The following MEFV variants were observed in gnomAD, a reference collection of about 807,000 sequenced individuals.
MEFV encodes pyrin.
Under a neutral mutation model 62.5 loss-of-function variants are expected in MEFV, and 60 were observed. That is an observed-to-expected ratio of 0.96 (90% CI 0.78 to 1.19). The LOEUF (loss-of-function observed/expected upper bound fraction) is 1.19, where lower values mean the gene tolerates loss of function less well. Ranked by LOEUF, MEFV falls within the 50% of genes most tolerant of loss-of-function variation. MEFV has a pLI of 0.00. For synonymous variants in MEFV, 500 were observed against 415.2 expected, an observed-to-expected ratio of 1.20 and a Z score of -2.48; for missense variants, 1,169 against 1,004.5, an observed-to-expected ratio of 1.16 and a Z score of -2.21.
At position 3,256,619 on chromosome 16, in the gene MEFV, T is replaced by C; in HGVS notation, c.-32A>G. ...GAGCAGGAGAGGCTCGAGCCAGCTG[T>C]CTGGCTTCTGGTAGGAAAAGAAGCC... On this transcript the variant is annotated 5_prime_UTR_variant, in exon 1 of 10. Transcript: ENST00000219596. 1 of 1,613,852 alleles carries C rather than the reference T, an allele frequency of 6.2e-7. No homozygotes were observed. Among genetic ancestry groups the C allele is most frequent in the African/African-American group, 1.3e-5 (1 of 75,040 alleles).
In MEFV at chr16:3,249,505, G is replaced by A. The variant is rs1194114091; in HGVS notation, c.1186C>T (p.Leu396Phe). 2 of 1,614,206 alleles carry A rather than the reference G, an allele frequency of 1.2e-6. No homozygotes were observed. Among genetic ancestry groups the A allele is most frequent in the East Asian group, 2.2e-5 (1 of 44,888 alleles). ...TGCTCCTGACTCAGACTGCAGATGA[G>A]GCAGATGGGCTCATCGTGATCCTCA... ...FCEDHDEPIC[L>F]ICSLSQEHQG... The change falls in exon 3 of 10, where the codon CTC becomes TTC. Residue 396 changes from leucine (L) to phenylalanine (F), a missense_variant. Coordinates refer to ENST00000219596, the MANE Select transcript of MEFV (RefSeq NM_000243.3).
chr16:3,255,209 C>G (rs1034105863), intron 1 of MEFV, among the ~76,000 whole-genome samples: 3 of 151,930 alleles, frequency 2.0e-5, no homozygotes, highest in Admixed American at 6.6e-5. Context: ...CCCAGCTACT[C>G]GGGAGGCTGA....
intron 6 of MEFV, among the ~76,000 whole-genome samples, chr16:3,245,442 G>C (rs918707040): frequency 4.6e-5 from 7 of 152,262 alleles, no homozygotes; most frequent in Non-Finnish European, 8.8e-5. Flanking sequence ...AGGAGTTTGA[G>C]ACCAGCCTGG....
intron 8 of MEFV, 175 bp downstream of exon 8, chr16:3,244,079 A>G (rs768707349): frequency 5.2e-6 from 8 of 1,551,416 alleles, no homozygotes; most frequent in Non-Finnish European, 6.1e-6. Context: ...TAATGAGTCA[A>G]CTCAGTCAAT....
In MEFV at chr16:3,243,891, A is replaced by G. The variant is rs1433601189; in HGVS notation, c.1761T>C (p.Val587=). 6 of 1,613,828 alleles carry G rather than the reference A, an allele frequency of 3.7e-6. No individual in the cohort carries two copies. The East Asian group carries it at 1.1e-4, about 30-fold the overall frequency. The change falls in exon 9 of 10, where the codon GTT becomes GTC. Residue 587 remains valine, a splice_region_variant and synonymous_variant. Coordinates refer to ENST00000219596, the MANE Select transcript of MEFV (RefSeq NM_000243.3). The part of the protein sequence containing the change: ...TLRSEMEMFN[V]PELIGAQAHA... The stretch of plus-strand genomic sequence containing the variant: ...GTGCCTGAGCGCCAATCAGCTCCGG[A>G]ACTACGGAGAAAAATCAGATAGGGA...
rs761246209 is a variant in MEFV at position 3,242,984 on chromosome 16, C to T, written c.*157G>A. On this transcript the variant is annotated 3_prime_UTR_variant, in exon 10 of 10. Coordinates refer to ENST00000219596, the MANE Select transcript of MEFV (RefSeq NM_000243.3). ...GACTAACATGTTCGTTCCTAACTTA[C>T]CTCTGCTATAATCGGGTAGGCTCCG... 18 of 774,652 alleles carry T rather than the reference C, an allele frequency of 2.3e-5. No homozygotes were observed. The South Asian group carries it at 2.7e-4, about 12-fold the overall frequency. 48.0% of individuals were successfully genotyped at this position (774,652 alleles called of 1,614,324 possible). A position where few individuals can be genotyped will look rare whatever the true frequency, so the allele number is the denominator to read the frequency against.
Position 3,244,249 on chromosome 16 carries a change from C to T in MEFV, c.1759+5G>A. The T allele has an allele frequency of 2.5e-6, 4 of 1,614,044 alleles. No individual in the cohort carries two copies. Among genetic ancestry groups the T allele is most frequent in the Non-Finnish European group, 3.4e-6 (4 of 1,180,016 alleles). ...GCCAGCACACACCATTACCGCTGGA[C>T]TCACCATTGAACATTTCCATTTCTG... On this transcript the variant is annotated splice_donor_5th_base_variant and intron_variant, in intron 8 of 9. Transcript: ENST00000219596.
chr16:3,254,580 T>TCTCTG lies in MEFV; in HGVS notation c.483_487dup (p.Glu163AlafsTer34). The TCTCTG allele has an allele frequency of 6.3e-7, 1 of 1,587,458 alleles. No individual in the cohort carries two copies. The highest frequency in any genetic ancestry group is 1.1e-5 in the South Asian group (1 of 89,480). The stretch of plus-strand genomic sequence containing the variant: ...CGCGTCCAGGCCCTCCGAGGCCTTC[T>TCTCTG]CTCTGCGTTTGCTCAGGGGCTTCCT... On this transcript the variant is annotated frameshift_variant, in exon 2 of 10. Coordinates refer to ENST00000219596, the MANE Select transcript of MEFV (RefSeq NM_000243.3). LOFTEE classifies it high-confidence loss of function.
chr16:3,243,749 G>A (rs1232855221), intron 9 of MEFV, 55 bp from the exon 10 acceptor site: 7 of 1,609,764 alleles, frequency 4.3e-6, no homozygotes, highest in Non-Finnish European at 6.0e-6. Context: ...ATCCCTACAG[G>A]GTTCTCCCCA....
At chr16:3,246,337 C>T (rs186953599) in intron 6 of MEFV, 188 bp downstream of exon 6, 420 of 647,598 alleles carry the variant, frequency 6.5e-4, no homozygotes, top group African/African-American at 6.4e-3. Context: ...GGCCAGCCTC[C>T]CTGCTGACCA....
At position 3,243,967 on chromosome 16, in the gene MEFV, C is replaced by T. The variant is rs1354130521; in HGVS notation, c.1760-75G>A. The T allele has an allele frequency of 1.9e-6, 3 of 1,595,260 alleles. No homozygotes were observed. The African/African-American group carries it at 4.0e-5, about 21-fold the overall frequency. On this transcript the variant is annotated intron_variant, in intron 8 of 9. Coordinates refer to ENST00000219596, the MANE Select transcript of MEFV (RefSeq NM_000243.3). ...GAGGGGCTAAATTACACTGTCCTGA[C>T]AACAAGGAAAGACAAGGAACCCCCT...
chr16:3,251,591 T>C (rs920113485), intron 2 of MEFV, among the ~76,000 whole-genome samples: 11 of 152,244 alleles, frequency 7.2e-5, no homozygotes, highest in Admixed American at 2.0e-4. Context: ...AACATAATTT[T>C]AATGACTACC....
In MEFV at chr16:3,242,990, C is replaced by A; in HGVS notation, c.*151G>T. The A allele has an allele frequency of 2.4e-6, 2 of 825,116 alleles. No individual in the cohort carries two copies. The highest frequency in any genetic ancestry group is 2.0e-6 in the Non-Finnish European group (1 of 508,210). The allele number at this position is 825,116 out of a possible 1,614,324, so 51.1% of individuals were successfully genotyped here. The stretch of plus-strand genomic sequence containing the variant: ...CATGTTCGTTCCTAACTTACCTCTG[C>A]TATAATCGGGTAGGCTCCGTGGGCA... On this transcript the variant is annotated 3_prime_UTR_variant, in exon 10 of 10. Coordinates refer to ENST00000219596, the MANE Select transcript of MEFV (RefSeq NM_000243.3).
intron 2 of MEFV, among the ~76,000 whole-genome samples, chr16:3,251,654 G>A (rs1219134030): frequency 6.6e-6 from 1 of 152,240 alleles, no homozygotes; most frequent in African/African-American, 2.4e-5. Flanking sequence ...TCTGCTGAGA[G>A]AAAGGCAAAT....
chr16:3,253,473 G>A (rs534352434), intron 2 of MEFV, among the ~76,000 whole-genome samples: 1 of 152,196 alleles, frequency 6.6e-6, no homozygotes, highest in South Asian at 2.1e-4. Flanking sequence ...GATAACACCT[G>A]ATTGCCTTTT....
At chr16:3,248,438 A>G (rs1419351545) in intron 4 of MEFV, 1 of 201,750 alleles carries the variant, frequency 5.0e-6, no homozygotes, top group Non-Finnish European at 1.0e-5. Flanking sequence ...AAAACTACAA[A>G]AATTAGCCAG....
rs749730274 is a variant in MEFV, at chr16:3,244,242, C to T, written c.1759+12G>A. 2.3e-5 allele frequency: 37 copies of T among 1,614,010 alleles called. No individual in the cohort carries two copies. The highest frequency in any genetic ancestry group is 3.3e-4 in the Middle Eastern group (2 of 6,062). ...ACCCCAGGCCAGCACACACCATTACCGCTGGACTCACCATTGAACATTTCC... is the reference window on the plus strand; with the variant it reads ...ACCCCAGGCCAGCACACACCATTACTGCTGGACTCACCATTGAACATTTCC... On this transcript the variant is annotated intron_variant, in intron 8 of 9. Coordinates refer to ENST00000219596, the MANE Select transcript of MEFV (RefSeq NM_000243.3).
At position 3,249,307 on chromosome 16, in the gene MEFV, T is replaced by C; in HGVS notation, c.1260+124A>G. The C allele has an allele frequency of 1.2e-5, 11 of 901,990 alleles. No homozygotes were observed. In the South Asian group the frequency reaches 1.5e-4, roughly 13 times the overall value. 55.9% of individuals were successfully genotyped at this position (901,990 alleles called of 1,614,324 possible). On this transcript the variant is annotated intron_variant, in intron 3 of 9. Transcript: ENST00000219596. ...GCTGGACTGGTTTATATTGTGTTCT[T>C]GCCATTTCCAGCCCAAGAATGCTGG...
rs189638823 is a variant in MEFV, at chr16:3,253,278, G to A, written c.910+880C>T. ...CCCTCCCCTAAAAGAAGATGGCCAG[G>A]GTTTTGTGTCCATGCGATGTAGGAA... On this transcript the variant is annotated intron_variant, in intron 2 of 9. Transcript: ENST00000219596. Among the ~76,000 whole-genome samples, 396 of 152,168 alleles carry A rather than the reference G, an allele frequency of 2.6e-3. 2 individuals carry two copies. Among genetic ancestry groups the A allele is most frequent in the Middle Eastern group, 0.02 (6 of 294 alleles).
Sources: allele counts gnomAD v4.1 joint callset (sites outside exome capture counted in the v4.1 genomes callset), GRCh38; gene constraint gnomAD v4.1.1; transcripts MANE v1.5; gene names NCBI Gene and HGNC (gene_info 2026-07-23, HGNC 2026-07-21).